Variants in PTPRB observed in about 807,000 individuals in gnomAD.
PTPRB encodes the protein protein tyrosine phosphatase receptor type B, also known as receptor-type tyrosine-protein phosphatase beta.
A neutral mutation model predicts 238.1 loss-of-function variants in PTPRB; 97 were observed. The observed-to-expected ratio is 0.41, with a 90% CI of 0.35 to 0.48. The LOEUF is 0.48. Among genes scored for constraint, PTPRB ranks in the 20% least tolerant of loss-of-function variants. The pLI is 0.30. For synonymous variants in PTPRB, 970 were observed against 995.4 expected (o/e 0.97, Z 0.48); for missense variants, 2,292 against 2,681.9 (o/e 0.85, Z 3.21).
At chr12:70,582,105 A>G (rs912436644) in intron 9 of PTPRB, among the ~76,000 whole-genome samples, 1 of 152,104 alleles carries the variant, frequency 6.6e-6, no homozygotes, top group African/African-American at 2.4e-5. Flanking sequence ...ATTTCTTCCA[A>G]CTTATCATTT....
intron 3 of PTPRB, among the ~76,000 whole-genome samples, chr12:70,618,673 G>A (rs1884785018): frequency 1.3e-5 from 2 of 152,194 alleles, no homozygotes; most frequent in African/African-American, 4.8e-5. Flanking sequence ...ATTGATCAAA[G>A]TATTTCCTGA....
chr12:70,534,360 C>T (rs1017689882), intron 31 of PTPRB, 128 bp downstream of exon 31: 31 of 1,004,098 alleles, frequency 3.1e-5, no homozygotes, highest in African/African-American at 1.5e-4. Context: ...CCTCTGGGGG[C>T]GAGGCAGGCT....
rs1417491959 is a variant in PTPRB at position 70,534,973 on chromosome 12, G to GA, written c.6082-19dup. ...CACTTTACCTAGAACAGGACAGACA[G>GA]AAAAAACATGAGTCCGGAAAAGTGA... is the stretch of plus-strand genomic sequence containing the variant. On this transcript the variant is annotated intron_variant, in intron 29 of 33. Transcript: ENST00000334414. 3.8e-6 allele frequency: 6 copies of GA among 1,598,246 alleles called. No homozygotes were observed. The highest frequency in any genetic ancestry group is 1.7e-5 in the Admixed American group (1 of 57,358).
intron 11 of PTPRB, among the ~76,000 whole-genome samples, chr12:70,574,562 A>T (rs1421880245): frequency 1.3e-5 from 2 of 152,224 alleles, no homozygotes; most frequent in Admixed American, 1.3e-4. Flanking sequence ...GTCAATAAGG[A>T]GCTCTCCAGG....
At chr12:70,634,314 G>A (rs1305518052) in intron 2 of PTPRB, among the ~76,000 whole-genome samples, 2 of 152,128 alleles carry the variant, frequency 1.3e-5, no homozygotes, top group Non-Finnish European at 2.9e-5. Context: ...CTCCATATTG[G>A]ATTATGGATC....
intron 9 of PTPRB, chr12:70,585,438 T>G (rs1881803769): frequency 6.6e-6 from 1 of 152,122 alleles, no homozygotes; most frequent in South Asian, 2.1e-4. Flanking sequence ...TGAATTGTAA[T>G]CCCCATGTGT....
intron 3 of PTPRB, among the ~76,000 whole-genome samples, chr12:70,611,461 T>TG (rs199508175): frequency 0.029 from 4,373 of 151,724 alleles, 96 homozygotes; most frequent in Non-Finnish European, 0.042. Flanking sequence ...GCTAATTTTT[T>TG]TTGTGTGTGT....
chr12:70,560,130 C>A lies in PTPRB; in HGVS notation c.4433-506G>T, dbSNP rs1425867128. ...GGGATTATAGGCATGAGCCACGGTG[C>A]CCAGCCTCATATACCTTTTCTTAAA... is the stretch of plus-strand genomic sequence containing the variant. On this transcript the variant is annotated intron_variant, in intron 17 of 33. Coordinates refer to ENST00000334414, the MANE Select transcript of PTPRB (RefSeq NM_001109754.4). The surrounding 1 kb of genome is among the most constrained non-coding windows in gnomAD (Gnocchi z 4.2). 2.0e-5 allele frequency among the ~76,000 whole-genome samples: 3 copies of A among 152,176 alleles called. No homozygotes were observed. Among genetic ancestry groups the A allele is most frequent in the Non-Finnish European group, 2.9e-5 (2 of 68,040 alleles).
chr12:70,628,734 CT>C (rs1469253688), intron 2 of PTPRB, among the ~76,000 whole-genome samples: 4 of 151,874 alleles, frequency 2.6e-5, no homozygotes, highest in South Asian at 2.1e-4. Flanking sequence ...GCAACTGTAA[CT>C]TTTTTTTCTT....
At position 70,560,982 on chromosome 12, in the gene PTPRB, C is replaced by T. The variant is rs1429198306; in HGVS notation, c.4169-48G>A. On this transcript the variant is annotated intron_variant, in intron 16 of 33. Transcript: ENST00000334414. The surrounding 1 kb of genome is among the most constrained non-coding windows in gnomAD (Gnocchi z 4.2). ...ACTGAGAACAAAACAGAAACACAGG[C>T]ATTTTGGCCCACAGGTGAGAGTATA... The T allele has an allele frequency of 6.4e-7, 1 of 1,558,532 alleles. No homozygotes were observed. Among genetic ancestry groups the T allele is most frequent in the South Asian group, 1.1e-5 (1 of 88,424 alleles).
At chr12:70,540,727 T>C (rs950375141) in intron 23 of PTPRB, 131 bp downstream of exon 23, 2 of 695,450 alleles carry the variant, frequency 2.9e-6, no homozygotes, top group African/African-American at 3.6e-5. Flanking sequence ...CTTGTTTTTA[T>C]TGAGAAAACA....
chr12:70,578,050 A>G lies in PTPRB; in HGVS notation c.2579-1405T>C, dbSNP rs942615534. ...CTACTAACATTTTATTAGAAAAGACACAATTATCAAAAGTTTTCACAGAAA... is the reference window on the plus strand; with the variant it reads ...CTACTAACATTTTATTAGAAAAGACGCAATTATCAAAAGTTTTCACAGAAA... On this transcript the variant is annotated intron_variant, in intron 10 of 33. Transcript: ENST00000334414. Among the ~76,000 whole-genome samples, 12 of 152,230 alleles carry G rather than the reference A, an allele frequency of 7.9e-5. No individual in the cohort carries two copies. In the East Asian group the frequency reaches 1.5e-3, roughly 19 times the overall value.
chr12:70,574,061 G>A (rs951111775), intron 11 of PTPRB, among the ~76,000 whole-genome samples: 9 of 152,104 alleles, frequency 5.9e-5, no homozygotes. Context: ...ATATTAATGA[G>A]GAGGAGCATT....
intron 2 of PTPRB, among the ~76,000 whole-genome samples, chr12:70,631,331 G>A (rs928813557): frequency 6.6e-6 from 1 of 152,138 alleles, no homozygotes; most frequent in Non-Finnish European, 1.5e-5. Flanking sequence ...AATGGGGAAA[G>A]GATTCCCTAT....
intron 8 of PTPRB, among the ~76,000 whole-genome samples, chr12:70,588,576 C>T (rs1484857416): frequency 2.6e-5 from 4 of 151,668 alleles, no homozygotes; most frequent in South Asian, 2.1e-4. Flanking sequence ...GAGGTTGCAG[C>T]GAGCCAAGAT....
At chr12:70,563,958 C>G (rs1878866480) in intron 15 of PTPRB, among the ~76,000 whole-genome samples, 1 of 152,166 alleles carries the variant, frequency 6.6e-6, no homozygotes, top group Non-Finnish European at 1.5e-5. Flanking sequence ...TCCTTATCAT[C>G]CTATGACTGC....
At chr12:70,625,827 A>G (rs1300225127) in intron 2 of PTPRB, among the ~76,000 whole-genome samples, 1 of 152,194 alleles carries the variant, frequency 6.6e-6, no homozygotes, top group Non-Finnish European at 1.5e-5. Context: ...TTCTCCCAGA[A>G]CACAATTCAA....
intron 8 of PTPRB, among the ~76,000 whole-genome samples, chr12:70,589,342 T>C (rs961442977): frequency 6.6e-6 from 1 of 152,232 alleles, no homozygotes; most frequent in Non-Finnish European, 1.5e-5. Flanking sequence ...ATATGGAGTA[T>C]TTCACATTAC....
chr12:70,553,101 G>T (rs1366808892), intron 20 of PTPRB, 81 bp from the exon 21 acceptor site: 6 of 1,470,266 alleles, frequency 4.1e-6, no homozygotes, highest in Non-Finnish European at 5.5e-6. Flanking sequence ...GGTTTCTAAG[G>T]CTGCCTCCAC....
Sources: allele counts gnomAD v4.1 joint callset (sites outside exome capture counted in the v4.1 genomes callset), GRCh38; gene constraint gnomAD v4.1.1; non-coding constraint Gnocchi (gnomAD v3.1); transcripts MANE v1.5; gene names NCBI Gene and HGNC (gene_info 2026-07-23, HGNC 2026-07-21).